CBFB: variants seen among roughly 807,000 people sequenced by gnomAD.
CBFB encodes CBF-beta.
In CBFB, 9 loss-of-function variants were observed where a neutral mutation model predicts 30.4. That is an observed-to-expected ratio of 0.30 (90% CI 0.18 to 0.52). The LOEUF (loss-of-function observed/expected upper bound fraction) is 0.52. Ranked by LOEUF, CBFB falls within the 20% of genes least tolerant of loss-of-function variation. CBFB has a pLI of 0.97. For missense variants in CBFB, 170 were observed against 244.0 expected (o/e 0.70, Z 2.02); for synonymous variants, 94 against 84.0 (o/e 1.12, Z -0.65).
intron 4 of CBFB, among the ~76,000 whole-genome samples, chr16:67,071,246 C>T (rs2031005): frequency 0.21 from 32,529 of 152,136 alleles, 8,842 homozygotes; most frequent in African/African-American, 0.64. Context: ...TACCAGCTCT[C>T]ATGAACTGAA....
chr16:67,057,092 CCTT>C (rs1960751836), intron 3 of CBFB, among the ~76,000 whole-genome samples: 1 of 152,142 alleles, frequency 6.6e-6, no homozygotes, highest in East Asian at 1.9e-4. Flanking sequence ...AAGTGATTCT[CCTT>C]TCTCAGCCTC....
chr16:67,029,819 T>G lies in CBFB; in HGVS notation c.165+6T>G. 6.3e-7 allele frequency: 1 copy of G among 1,582,504 alleles called. No homozygotes were observed. Among genetic ancestry groups the G allele is most frequent in the Non-Finnish European group, 8.6e-7 (1 of 1,166,566 alleles). The stretch of plus-strand genomic sequence containing the variant: ...GCGACGGCCGCTCGGAAATCGTAAG[T>G]CGGCTGGCCCGGGGCGCGCGCGGGT... On this transcript the variant is annotated splice_donor_region_variant and intron_variant, in intron 2 of 5. Transcript: ENST00000412916.
intron 3 of CBFB, among the ~76,000 whole-genome samples, chr16:67,042,829 G>A (rs886457764): frequency 6.6e-6 from 1 of 152,058 alleles, no homozygotes; most frequent in African/African-American, 2.4e-5. Context: ...TCTGCCTGCC[G>A]GGTTCAAGCA....
At chr16:67,066,615 A>T in intron 3 of CBFB, 67 bp from the exon 4 acceptor site, 1 of 818,406 alleles carries the variant, frequency 1.2e-6, no homozygotes, top group South Asian at 1.4e-5. Context: ...TATATAAGTA[A>T]GTTTAATCTT....
chr16:67,088,703 A>C (rs575925441), intron 5 of CBFB, among the ~76,000 whole-genome samples: 1 of 152,342 alleles, frequency 6.6e-6, no homozygotes, highest in East Asian at 1.9e-4. Flanking sequence ...GCCAGAGAAC[A>C]GTGGTAACTC....
At chr16:67,088,617 G>A (rs1425439854) in intron 5 of CBFB, among the ~76,000 whole-genome samples, 2 of 152,200 alleles carry the variant, frequency 1.3e-5, no homozygotes, top group Non-Finnish European at 2.9e-5. Context: ...CGTTTTGCCT[G>A]GAATAGAAAA....
chr16:67,066,833 C>G (rs1961073832), intron 4 of CBFB, 35 bp downstream of exon 4: 4 of 1,203,246 alleles, frequency 3.3e-6, no homozygotes, highest in Non-Finnish European at 4.9e-6. Context: ...AGCATGGTCC[C>G]TTTAGTCCCT....
At chr16:67,049,494 G>A (rs529206083) in intron 3 of CBFB, among the ~76,000 whole-genome samples, 90 of 152,030 alleles carry the variant, frequency 5.9e-4, no homozygotes, top group African/African-American at 2.0e-3. Flanking sequence ...GAGCCACCGC[G>A]CCCGGCCCCA....
intron 5 of CBFB, among the ~76,000 whole-genome samples, chr16:67,087,643 A>G (rs1465977011): frequency 6.6e-6 from 1 of 152,236 alleles, no homozygotes; most frequent in Non-Finnish European, 1.5e-5. Context: ...GTGAGTTTAT[A>G]TGTATATATG....
chr16:67,086,873 A>G (rs1961745232), intron 5 of CBFB, among the ~76,000 whole-genome samples: 1 of 152,094 alleles, frequency 6.6e-6, no homozygotes, highest in South Asian at 2.1e-4. Flanking sequence ...TACATAATGG[A>G]GGTTCAAAAG....
intron 3 of CBFB, among the ~76,000 whole-genome samples, chr16:67,047,139 G>A (rs989195697): frequency 1.9e-4 from 29 of 149,664 alleles, no homozygotes; most frequent in African/African-American, 5.9e-4. Flanking sequence ...GTGAAACCCC[G>A]TCTCTACTAA....
At chr16:67,075,016 C>G (rs917232051) in intron 4 of CBFB, among the ~76,000 whole-genome samples, 1 of 151,928 alleles carries the variant, frequency 6.6e-6, no homozygotes, top group Non-Finnish European at 1.5e-5. Context: ...TGGCAAAACC[C>G]CATCTCTACT....
chr16:67,075,352 A>G (rs563645840), intron 4 of CBFB, among the ~76,000 whole-genome samples: 1 of 152,274 alleles, frequency 6.6e-6, no homozygotes, highest in East Asian at 1.9e-4. Context: ...TGCAAATGAA[A>G]AGGATTCAGC....
rs1567628537 is a variant in CBFB, at chr16:67,099,187, AT to A, written c.*410del. 4.2e-6 allele frequency: 1 copy of A among 235,686 alleles called. No homozygotes were observed. Among genetic ancestry groups the A allele is most frequent in the African/African-American group, 2.2e-5 (1 of 44,934 alleles). The allele number at this position is 235,686 out of a possible 1,614,324, so 14.6% of individuals were successfully genotyped here. On this transcript the variant is annotated 3_prime_UTR_variant, in exon 6 of 6. Coordinates refer to ENST00000412916, the MANE Select transcript of CBFB (RefSeq NM_022845.3). ...TCTATTTTTTTTTTTGTACTTCTAGATGTTTTGGTTATACAGCTTCATTTTA... is the reference window on the plus strand; with the variant it reads ...TCTATTTTTTTTTTTGTACTTCTAGAGTTTTGGTTATACAGCTTCATTTTA...
At chr16:67,066,409 A>AAAAAAAAAAAAAAAAAAAAAC (rs1961056746) in intron 3 of CBFB, among the ~76,000 whole-genome samples, 1 of 150,418 alleles carries the variant, frequency 6.6e-6, no homozygotes, top group African/African-American at 2.5e-5. Flanking sequence ...AAAAAAAAAA[A>AAAAAAAAAAAAAAAAAAAAAC]ATTAGCCAGG....
At chr16:67,086,342 G>A (rs911241804) in intron 5 of CBFB, among the ~76,000 whole-genome samples, 2 of 152,180 alleles carry the variant, frequency 1.3e-5, no homozygotes, top group African/African-American at 2.4e-5. Context: ...TAAATGTCAG[G>A]CCTTTCCTCA....
intron 3 of CBFB, among the ~76,000 whole-genome samples, chr16:67,060,657 A>G (rs1473987363): frequency 6.6e-6 from 1 of 152,032 alleles, no homozygotes; most frequent in South Asian, 2.1e-4. Context: ...CTGGGTTCAA[A>G]CGATTCTCCT....
chr16:67,088,109 G>C (rs1172964471), intron 5 of CBFB, among the ~76,000 whole-genome samples: 1 of 152,114 alleles, frequency 6.6e-6, no homozygotes, highest in Non-Finnish European at 1.5e-5. Flanking sequence ...TAAAACATCA[G>C]TTCTTGTAGA....
intron 3 of CBFB, among the ~76,000 whole-genome samples, chr16:67,065,184 C>T (rs907563655): frequency 1.3e-5 from 2 of 152,222 alleles, no homozygotes; most frequent in Non-Finnish European, 2.9e-5. Context: ...CAGGCATCAG[C>T]CACCGCGCCT....
Sources: gnomAD v4.1 joint callset for allele counts (sites outside exome capture counted in the v4.1 genomes callset) on GRCh38, gnomAD v4.1.1 for gene constraint, MANE v1.5 for transcripts, NCBI Gene and HGNC (gene_info 2026-07-23, HGNC 2026-07-21) for gene names.